TAF1: variants seen among roughly 807,000 people sequenced by gnomAD.
TAF1 encodes the protein TATA-box binding protein associated factor 1.
Under a neutral mutation model 138.5 loss-of-function variants are expected in TAF1, and 2 were observed. The ratio of observed to expected loss-of-function variants is 0.01; its 90% CI spans 0.01 to 0.05. The LOEUF (loss-of-function observed/expected upper bound fraction) is 0.05, where lower values mean the gene tolerates loss of function less well. Ranked by LOEUF, TAF1 falls within the 10% of genes least tolerant of loss-of-function variation. The pLI, the probability that TAF1 is intolerant of heterozygous loss-of-function variation, is 1.00. For synonymous variants in TAF1, 437 were observed against 503.2 expected, an observed-to-expected ratio of 0.87 and a Z score of 1.76; for missense variants, 709 against 1,478.0, an observed-to-expected ratio of 0.48 and a Z score of 8.53.
chrX:71,468,684 C>CAA (rs765313817), downstream of TAF1, among the ~76,000 whole-genome samples: 6 of 61,239 alleles, frequency 9.8e-5, no homozygotes, highest in Non-Finnish European at 1.6e-4. Flanking sequence ...GACTCCCTCT[C>CAA]AAAAAAAAAA....
At chrX:71,430,588 T>C (rs1233652654) in intron 32 of TAF1, among the ~76,000 whole-genome samples, 2 of 111,305 alleles carry the variant, frequency 1.8e-5, no homozygotes, top group African/African-American at 3.3e-5. Flanking sequence ...GTAATATAAA[T>C]GAGTGAAATG....
In TAF1 at chrX:71,389,496, G is replaced by T; in HGVS notation, c.2701-89G>T. 7.1e-6 allele frequency: 5 copies of T among 703,830 alleles called. No homozygotes were observed. In the South Asian group the frequency reaches 1.2e-4, roughly 17 times the overall value. 58.0% of individuals were successfully genotyped at this position (703,830 alleles called of 1,213,427 possible). ...AATCCATCTATGCAAAATAGACTTTGGTATTCTGTACTTGTATTCAGTAAA... is the reference window on the plus strand; with the variant it reads ...AATCCATCTATGCAAAATAGACTTTTGTATTCTGTACTTGTATTCAGTAAA... On this transcript the variant is annotated intron_variant, in intron 17 of 37. Coordinates refer to ENST00000423759, the MANE Select transcript of TAF1 (RefSeq NM_004606.5).
At chrX:71,389,411 G>A (rs1051202437) in intron 17 of TAF1, among the ~76,000 whole-genome samples, 174 bp from the exon 18 acceptor site, 1 of 111,995 alleles carries the variant, frequency 8.9e-6, no homozygotes, top group African/African-American at 3.2e-5. Flanking sequence ...TTGGCATGTT[G>A]TAATGTATCT....
chrX:71,494,623 T>C lies in TAF1; in HGVS notation c.1366+33820T>C, dbSNP rs757750275. ...TATCTTTCCAAGTGAGTCTACTATA[T>C]AGAGCTACTCATTGTTTTTGTGACT... On this transcript the variant is annotated intron_variant and NMD_transcript_variant, in intron 13 of 14. Coordinates refer to the TAF1 transcript ENST00000373775. 9.9e-5 allele frequency among the ~76,000 whole-genome samples: 11 copies of C among 111,644 alleles called. No individual in the cohort carries two copies. In the South Asian group the frequency reaches 4.2e-3, roughly 42 times the overall value.
In TAF1 at chrX:71,378,947, G is replaced by C; in HGVS notation, c.1276G>C (p.Gly426Arg). The change falls in exon 8 of 38, where the codon GGG (glycine) becomes CGG (arginine). Residue 426 changes from glycine (G) to arginine (R), a missense_variant. Gly to Arg is a moderately radical substitution (Grantham distance 125, BLOSUM62 -2). Transcript: ENST00000423759. ...IWDGEDVKHK[G>R]TKPQRASLAG... ...GGATGGGGAGGATGTCAAACACAAA[G>C]GGACAAAACCTCAGCGTGCAAGCCT... The C allele has an allele frequency of 3.3e-6, 4 of 1,210,819 alleles. No homozygotes were observed. The highest frequency in any genetic ancestry group is 4.5e-6 in the Non-Finnish European group (4 of 895,395).
chrX:71,425,013 G>A (rs2036531869), intron 32 of TAF1, among the ~76,000 whole-genome samples: 1 of 111,679 alleles, frequency 9.0e-6, no homozygotes, highest in Admixed American at 9.6e-5. Flanking sequence ...AGTAGTATAC[G>A]CTTACTTTTG....
chrX:71,401,427 C>T, intron 24 of TAF1, 101 bp from the exon 25 acceptor site: 1 of 1,014,862 alleles, frequency 9.9e-7, no homozygotes, highest in South Asian at 2.1e-5. Context: ...GAACCAATCC[C>T]CTGCATATAC....
intron 16 of TAF1, 46 bp downstream of exon 16, chrX:71,388,424 G>A (rs2034368980): frequency 8.5e-7 from 1 of 1,179,169 alleles, no homozygotes; most frequent in Admixed American, 2.6e-5. Context: ...TCCAAGAAAA[G>A]AATTTTGATG....
At chrX:71,431,054 G>A (rs900852850) in intron 32 of TAF1, among the ~76,000 whole-genome samples, 4 of 79,322 alleles carry the variant, frequency 5.0e-5, no homozygotes, top group Admixed American at 2.0e-4. Flanking sequence ...TTGCTCTGTC[G>A]CCCAGGCTGG....
chrX:71,403,187 C>T (rs1272644469), intron 25 of TAF1, among the ~76,000 whole-genome samples: 1 of 110,381 alleles, frequency 9.1e-6, no homozygotes, highest in African/African-American at 3.3e-5. Flanking sequence ...CAGTACCACA[C>T]CTGGCTAATT....
At position 71,384,960 on chromosome X, in the gene TAF1, C is replaced by G. The variant is rs764571389; in HGVS notation, c.2137C>G (p.Pro713Ala). Residue 713 changes from proline (P) to alanine (A), a missense_variant, in exon 14 of 38, where the codon CCT becomes GCT. Physicochemically the swap from Pro to Ala is conservative, Grantham distance 27. Coordinates refer to ENST00000423759, the MANE Select transcript of TAF1 (RefSeq NM_004606.5). The stretch of plus-strand genomic sequence containing the variant: ...TTCCTTATAGAAACCTGGAAAAGAT[C>G]CTGGAGCACCAGATTGTAAATATGG... ...NYYKRKPGKDPGAPDCKYGET... is the reference protein window; with the variant it reads ...NYYKRKPGKDAGAPDCKYGET... The G allele has an allele frequency of 8.3e-7, 1 of 1,208,167 alleles. No individual in the cohort carries two copies.
intron 13 of TAF1, among the ~76,000 whole-genome samples, chrX:71,474,232 T>C (rs1303916273): frequency 9.0e-6 from 1 of 111,644 alleles, no homozygotes; most frequent in Non-Finnish European, 1.9e-5. Flanking sequence ...TTGGACTTGA[T>C]CGTGATTGAC....
intron 27 of TAF1, 48 bp from the exon 28 acceptor site, chrX:71,407,926 T>C: frequency 8.5e-7 from 1 of 1,177,541 alleles, no homozygotes; most frequent in Non-Finnish European, 1.1e-6. Context: ...AGGAATTGGC[T>C]CTGGCAACTG....
chrX:71,398,344 G>GAAAA (rs1204823703), intron 23 of TAF1, among the ~76,000 whole-genome samples: 1 of 72,533 alleles, frequency 1.4e-5, no homozygotes, highest in Non-Finnish European at 2.8e-5. Flanking sequence ...TCTCAAGAAA[G>GAAAA]AAAAAAAAAA....
chrX:71,511,763 C>T (rs1248589373), intron 13 of TAF1, among the ~76,000 whole-genome samples: 1 of 111,827 alleles, frequency 8.9e-6, no homozygotes, highest in East Asian at 2.8e-4. Context: ...TGCCTGTGAT[C>T]CCGGCACTTT....
At chrX:71,373,568 A>G (rs1277363813) in intron 3 of TAF1, among the ~76,000 whole-genome samples, 1 of 112,058 alleles carries the variant, frequency 8.9e-6, no homozygotes, top group African/African-American at 3.2e-5. Flanking sequence ...GGGAAAATGC[A>G]TATGGATGTG....
At chrX:71,375,390 C>T in intron 4 of TAF1, 104 bp downstream of exon 4, 1 of 999,985 alleles carries the variant, frequency 1.0e-6, no homozygotes, top group South Asian at 3.2e-5. Context: ...TATGAAGGGA[C>T]AAAACTTCTA....
chrX:71,430,980 G>A (rs756409566), intron 32 of TAF1, among the ~76,000 whole-genome samples: 3 of 97,053 alleles, frequency 3.1e-5, no homozygotes, highest in Non-Finnish European at 6.2e-5. Context: ...AGTTAGCTGT[G>A]TACAGGTCCA....
chrX:71,516,605 G>A (rs1364310494), intron 13 of TAF1, among the ~76,000 whole-genome samples: 1 of 104,381 alleles, frequency 9.6e-6, no homozygotes, highest in Non-Finnish European at 1.9e-5. Context: ...TCACGCCACT[G>A]CATTCTAGCC....
Sources: gnomAD v4.1 joint callset for allele counts (sites outside exome capture counted in the v4.1 genomes callset) on GRCh38, gnomAD v4.1.1 for gene constraint, MANE v1.5 for transcripts, NCBI Gene and HGNC (gene_info 2026-07-23, HGNC 2026-07-21) for gene names.